Variants in MAST2 observed in about 807,000 individuals in gnomAD.
MAST2 encodes microtubule associated serine/threonine kinase 2.
A neutral mutation model predicts 147.4 loss-of-function variants in MAST2; 70 were observed. That is an observed-to-expected ratio of 0.47 (90% confidence interval 0.39 to 0.58). MAST2 has a LOEUF of 0.58. MAST2 is among the 20% of genes least tolerant of loss of function. The pLI, the probability that MAST2 is intolerant of heterozygous loss-of-function variation, is 0.00. For missense variants in MAST2, 2,080 were observed against 2,302.3 expected (o/e 0.90, Z 1.98); for synonymous variants, 869 against 896.8 (o/e 0.97, Z 0.55).
At chr1:46,008,059 T>C (rs1645560930) in intron 8 of MAST2, among the ~76,000 whole-genome samples, 1 of 152,124 alleles carries the variant, frequency 6.6e-6, no homozygotes, top group African/African-American at 2.4e-5. Flanking sequence ...TAGGTCTTTC[T>C]AGCCTAGAAG....
Position 45,825,435 on chromosome 1 carries a change from TTC to T in MAST2, c.325+859_325+860del, listed in dbSNP as rs1644761508. Among the ~76,000 whole-genome samples the T allele has an allele frequency of 2.6e-5, 4 of 152,172 alleles. No individual in the cohort carries two copies. The South Asian group carries it at 8.3e-4, about 32-fold the overall frequency. Reference sequence around the variant, plus strand: ...CTTTTTTTAAAAGGATGCGATTATCTTCTCTTTTTTTTTTTGAGACAGAGTCT... The same window carrying T: ...CTTTTTTTAAAAGGATGCGATTATCTTCTTTTTTTTTTTGAGACAGAGTCT... On this transcript the variant is annotated intron_variant, in intron 2 of 28. Transcript: ENST00000361297.
intron 4 of MAST2, among the ~76,000 whole-genome samples, chr1:45,903,188 G>A (rs1382778539): frequency 8.0e-6 from 1 of 124,760 alleles, no homozygotes; most frequent in African/African-American, 3.1e-5. Context: ...TGGATGCAGT[G>A]GCGTGATCTC....
chr1:45,899,036 CAG>C (rs1649257989), intron 4 of MAST2, among the ~76,000 whole-genome samples: 1 of 152,134 alleles, frequency 6.6e-6, no homozygotes, highest in East Asian at 1.9e-4. Context: ...GACTCAAACA[CAG>C]GGGCTTCTAC....
intron 1 of MAST2, among the ~76,000 whole-genome samples, chr1:45,812,610 G>T (rs1448555188): frequency 1.3e-5 from 2 of 151,966 alleles, no homozygotes; most frequent in Admixed American, 1.3e-4. Context: ...ATTTTTAGTA[G>T]AGACTAGGTT....
In MAST2 at chr1:45,824,489, A is replaced by G; in HGVS notation, c.234A>G (p.Ile78Met). The G allele has an allele frequency of 6.2e-7, 1 of 1,612,814 alleles. No homozygotes were observed. Among genetic ancestry groups the G allele is most frequent in the Non-Finnish European group, 8.5e-7 (1 of 1,179,234 alleles). Reference sequence around the variant, plus strand: ...TCAGGAAACTCAGTAATCCTGACATATTTTCATCCACTGGAAAAGTTAAAC... The same window carrying G: ...TCAGGAAACTCAGTAATCCTGACATGTTTTCATCCACTGGAAAAGTTAAAC... ...LLFRKLSNPD[I>M]FSSTGKVKLQ... Residue 78 changes from isoleucine (I) to methionine (M), a missense_variant, in exon 2 of 29, where the codon ATA becomes ATG. By Grantham distance (10) the Ile-to-Met change is conservative (BLOSUM62 1). This residue lies in a region of MAST2 where 569 missense variants were observed against 642.5 expected (regional missense o/e 0.89). Transcript: ENST00000361297.
At chr1:45,943,827 G>C (rs982641994) in intron 4 of MAST2, among the ~76,000 whole-genome samples, 3 of 152,166 alleles carry the variant, frequency 2.0e-5, no homozygotes, top group Non-Finnish European at 4.4e-5. Context: ...GCTAAAATCC[G>C]TAGTAACATA....
intron 4 of MAST2, among the ~76,000 whole-genome samples, chr1:45,951,002 G>C (rs534755247): frequency 2.0e-4 from 31 of 152,180 alleles, no homozygotes; most frequent in Non-Finnish European, 4.1e-4. Flanking sequence ...AGGATCGCTT[G>C]AGCCCGGGAG....
At chr1:45,987,218 CA>C (rs1377415773) in intron 5 of MAST2, among the ~76,000 whole-genome samples, 3 of 152,100 alleles carry the variant, frequency 2.0e-5, no homozygotes, top group African/African-American at 7.2e-5. Flanking sequence ...TGACCTTTCT[CA>C]TTCTTGATGT....
At chr1:46,030,818 GATC>G in intron 22 of MAST2, 57 bp downstream of exon 22, 1 of 1,499,466 alleles carries the variant, frequency 6.7e-7, no homozygotes, top group Non-Finnish European at 8.9e-7. Context: ...CATTGTCACA[GATC>G]ATGGGAGAGA....
intron 3 of MAST2, among the ~76,000 whole-genome samples, chr1:45,864,705 A>T (rs1646087225): frequency 6.6e-6 from 1 of 152,204 alleles, no homozygotes; most frequent in South Asian, 2.1e-4. Flanking sequence ...TAGTAGCTGT[A>T]GGTGGAGACT....
chr1:45,910,720 G>A (rs1651534277), intron 4 of MAST2, among the ~76,000 whole-genome samples: 1 of 152,202 alleles, frequency 6.6e-6, no homozygotes, highest in Non-Finnish European at 1.5e-5. Context: ...TGATATTGAT[G>A]TTATTTGACA....
chr1:45,887,567 G>A (rs1647150076), intron 4 of MAST2, among the ~76,000 whole-genome samples: 1 of 152,140 alleles, frequency 6.6e-6, no homozygotes, highest in African/African-American at 2.4e-5. Flanking sequence ...AGGAGTTCCT[G>A]GGCCCCAGGG....
chr1:45,870,413 G>A (rs547662607), intron 3 of MAST2, among the ~76,000 whole-genome samples: 1 of 151,982 alleles, frequency 6.6e-6, no homozygotes, highest in Non-Finnish European at 1.5e-5. Context: ...TGTATATAAT[G>A]TAAGTTTCCT....
chr1:45,848,256 G>A (rs1645506752), intron 3 of MAST2, among the ~76,000 whole-genome samples: 1 of 152,152 alleles, frequency 6.6e-6, no homozygotes, highest in Non-Finnish European at 1.5e-5. Context: ...ACCCTTGGCT[G>A]GTATCTGGAA....
At chr1:45,927,750 A>T (rs1654629082) in intron 4 of MAST2, among the ~76,000 whole-genome samples, 1 of 152,250 alleles carries the variant, frequency 6.6e-6, no homozygotes, top group African/African-American at 2.4e-5. Flanking sequence ...TGACAGGATT[A>T]AGAGATTAAA....
intron 5 of MAST2, among the ~76,000 whole-genome samples, chr1:45,972,128 G>A (rs1307879388): frequency 6.6e-6 from 1 of 152,216 alleles, no homozygotes; most frequent in Non-Finnish European, 1.5e-5. Context: ...CCAGCCGTCA[G>A]TAGGAGTCCA....
chr1:45,846,954 G>A, intron 3 of MAST2: 1 of 239,620 alleles, frequency 4.2e-6, no homozygotes, highest in Non-Finnish European at 8.7e-6. Context: ...ATAATTTGAA[G>A]CTCTCAAATT....
intron 4 of MAST2, among the ~76,000 whole-genome samples, chr1:45,900,407 G>C (rs958352964): frequency 6.7e-6 from 1 of 149,090 alleles, no homozygotes; most frequent in African/African-American, 2.4e-5. Flanking sequence ...TCTTATTGTG[G>C]TTTAATTTTC....
chr1:45,888,856 A>C (rs1350065621), intron 4 of MAST2, among the ~76,000 whole-genome samples: 9 of 148,118 alleles, frequency 6.1e-5, no homozygotes, highest in South Asian at 4.3e-4. Flanking sequence ...AATTTTTTGT[A>C]TTTTTAGTAG....
Sources: allele counts gnomAD v4.1 joint callset (sites outside exome capture counted in the v4.1 genomes callset), GRCh38; gene constraint gnomAD v4.1.1; regional missense constraint gnomAD v4.1.1; transcripts MANE v1.5; gene names NCBI Gene and HGNC (gene_info 2026-07-23, HGNC 2026-07-21).